The following CCDC77 variants were observed in gnomAD, a reference collection of about 807,000 sequenced individuals.
CCDC77 encodes the protein coiled-coil domain-containing protein 77.
Under a neutral mutation model 66.8 loss-of-function variants are expected in CCDC77, and 56 were observed. The ratio of observed to expected loss-of-function variants is 0.84; its 90% CI spans 0.68 to 1.05. The LOEUF (loss-of-function observed/expected upper bound fraction) is 1.05, where lower values mean the gene tolerates loss of function less well. Among genes scored for constraint, CCDC77 ranks in the 50% least tolerant of loss-of-function variants. The pLI is 0.00. For missense variants in CCDC77, 570 were observed against 576.8 expected, an observed-to-expected ratio of 0.99 and a Z score of 0.12; for synonymous variants, 196 against 195.2, an observed-to-expected ratio of 1.00 and a Z score of -0.03.
At chr12:406,051 A>T (rs919560020) in intron 2 of CCDC77, among the ~76,000 whole-genome samples, 1 of 151,550 alleles carries the variant, frequency 6.6e-6, no homozygotes, top group Non-Finnish European at 1.5e-5. Flanking sequence ...CTGTTTAACT[A>T]GGACTACAGA....
intron 2 of CCDC77, among the ~76,000 whole-genome samples, chr12:408,804 A>G (rs1298844197): frequency 6.6e-6 from 1 of 152,214 alleles, no homozygotes; most frequent in Non-Finnish European, 1.5e-5. Flanking sequence ...GTGCTTATCC[A>G]TTTAAATATT....
At chr12:410,933 C>T (rs1003536204) in intron 3 of CCDC77, among the ~76,000 whole-genome samples, 2 of 152,004 alleles carry the variant, frequency 1.3e-5, no homozygotes, top group Admixed American at 6.6e-5. Flanking sequence ...TTATCTTTTT[C>T]GTCTCTAATG....
intron 12 of CCDC77, 142 bp from the exon 13 acceptor site, chr12:441,632 C>T: frequency 6.2e-6 from 5 of 808,004 alleles, no homozygotes; most frequent in South Asian, 2.0e-5. Flanking sequence ...TTTAGTTAGC[C>T]ACTGAACAAA....
At position 409,413 on chromosome 12, in the gene CCDC77, C is replaced by G. The variant is rs1262952781; in HGVS notation, c.30C>G (p.Val10=). 1.9e-6 allele frequency: 3 copies of G among 1,613,092 alleles called. No homozygotes were observed. The highest frequency in any genetic ancestry group is 2.5e-6 in the Non-Finnish European group (3 of 1,179,744). ...ACTTTACCCCAACACACACCCCTGT[C>G]TGCAGAAAGTAAGACATTTGCTTAT... The part of the protein sequence containing the change: MNFTPTHTP[V]CRKRTVVSKR... The change falls in exon 3 of 13, where the codon GTC becomes GTG. Residue 10 remains valine, a synonymous_variant. Coordinates refer to ENST00000239830, the MANE Select transcript of CCDC77 (RefSeq NM_032358.4).
intron 2 of CCDC77, among the ~76,000 whole-genome samples, chr12:408,932 G>A (rs769970689): frequency 3.3e-5 from 5 of 152,134 alleles, no homozygotes; most frequent in African/African-American, 7.2e-5. Context: ...TAGGCCGGGC[G>A]TGGTGGCTCA....
intron 1 of CCDC77, among the ~76,000 whole-genome samples, chr12:403,975 C>T (rs1944945200): frequency 6.6e-6 from 1 of 152,162 alleles, no homozygotes; most frequent in Admixed American, 6.5e-5. Context: ...AGGGTCTTGC[C>T]ATGGCCTGGC....
At chr12:426,067 T>C (rs1255365255) in intron 5 of CCDC77, among the ~76,000 whole-genome samples, 3 of 152,044 alleles carry the variant, frequency 2.0e-5, no homozygotes, top group African/African-American at 7.2e-5. Flanking sequence ...GTTTCACCAT[T>C]TTGGACAGGC....
chr12:438,710 G>T (rs1945801116), intron 10 of CCDC77, 156 bp downstream of exon 10: 2 of 586,190 alleles, frequency 3.4e-6, no homozygotes, highest in South Asian at 2.1e-5. Context: ...GCTGATCGTT[G>T]TAGTATTTGG....
intron 4 of CCDC77, among the ~76,000 whole-genome samples, chr12:415,475 T>C (rs1011410433): frequency 6.8e-6 from 1 of 147,622 alleles, no homozygotes; most frequent in Non-Finnish European, 1.5e-5. Context: ...AACATAATAA[T>C]ATGTTGATAT....
intron 4 of CCDC77, 42 bp downstream of exon 4, chr12:412,020 T>G: frequency 1.4e-6 from 2 of 1,442,050 alleles, no homozygotes; most frequent in Non-Finnish European, 1.9e-6. Context: ...TGATGGAGTC[T>G]TCATAAATTA....
chr12:432,100 C>T lies in CCDC77; in HGVS notation c.672+146C>T. 7.1e-6 allele frequency: 4 copies of T among 565,598 alleles called. No homozygotes were observed. In the East Asian group the frequency reaches 1.2e-4, roughly 17 times the overall value. 35.0% of individuals were successfully genotyped at this position (565,598 alleles called of 1,614,324 possible). ...GTGGTTAAGAAAATTGAGATTGTTCCTAATTTCTAAGAGCTTATATTTTGA... is the reference window on the plus strand; with the variant it reads ...GTGGTTAAGAAAATTGAGATTGTTCTTAATTTCTAAGAGCTTATATTTTGA... On this transcript the variant is annotated intron_variant, in intron 8 of 12. Transcript: ENST00000239830.
At chr12:440,164 C>T (rs1165715331) in intron 10 of CCDC77, among the ~76,000 whole-genome samples, 1 of 152,072 alleles carries the variant, frequency 6.6e-6, no homozygotes. Context: ...ACTTAGCTCT[C>T]AATAGTGTTA....
At chr12:390,000 C>T (rs574927726) in intron 1 of CCDC77, 6 of 152,022 alleles carry the variant, frequency 3.9e-5, no homozygotes, top group Non-Finnish European at 8.8e-5. Flanking sequence ...AATTACCAGC[C>T]AGTATCGTCT....
At chr12:424,318 G>GA in intron 5 of CCDC77, among the ~76,000 whole-genome samples, 1 of 151,710 alleles carries the variant, frequency 6.6e-6, no homozygotes, top group South Asian at 2.1e-4. Flanking sequence ...TAGATATACA[G>GA]ATGCATGCAA....
chr12:433,464 T>C, intron 9 of CCDC77, 142 bp downstream of exon 9: 1 of 1,443,668 alleles, frequency 6.9e-7, no homozygotes. Context: ...AACCCCCGCC[T>C]CTACGTAGGT....
intron 9 of CCDC77, among the ~76,000 whole-genome samples, chr12:435,873 G>C (rs1204677792): frequency 6.6e-6 from 1 of 152,060 alleles, no homozygotes; most frequent in South Asian, 2.1e-4. Context: ...CAAGTCGCTA[G>C]GATTACAGGT....
chr12:390,107 T>G (rs1237895370), intron 1 of CCDC77: 1 of 140,602 alleles, frequency 7.1e-6, no homozygotes, highest in African/African-American at 2.7e-5. Flanking sequence ...CTTCATCTAT[T>G]CAGTTGCCTG....
chr12:431,678 TTGAA>T (rs1945654747), intron 7 of CCDC77, among the ~76,000 whole-genome samples, 184 bp from the exon 8 acceptor site: 1 of 152,224 alleles, frequency 6.6e-6, no homozygotes, highest in African/African-American at 2.4e-5. Context: ...AGATTCCTAT[TTGAA>T]AAGTTAAGCA....
At chr12:430,816 C>T (rs1183377847) in intron 7 of CCDC77, 80 bp downstream of exon 7, 9 of 1,126,444 alleles carry the variant, frequency 8.0e-6, no homozygotes, top group South Asian at 3.7e-5. Flanking sequence ...CGGTGGCTCA[C>T]GCCTGTAATC....
Sources: allele counts gnomAD v4.1 joint callset (sites outside exome capture counted in the v4.1 genomes callset), GRCh38; gene constraint gnomAD v4.1.1; transcripts MANE v1.5; gene names NCBI Gene and HGNC (gene_info 2026-07-23, HGNC 2026-07-21).